Variants in DHDDS observed in about 807,000 individuals in gnomAD.
DHDDS encodes dehydrodolichyl diphosphate synthase subunit, also known as dehydrodolichyl diphosphate synthase complex subunit DHDDS.
DHDDS carries 16 observed loss-of-function variants against 46.2 expected under a neutral mutation model. The observed-to-expected ratio is 0.35, with a 90% confidence interval of 0.23 to 0.53. The LOEUF (loss-of-function observed/expected upper bound fraction) is 0.53. Among genes scored for constraint, DHDDS ranks in the 20% least tolerant of loss-of-function variants. DHDDS has a pLI of 0.94. For missense variants in DHDDS, 340 were observed against 423.7 expected (o/e 0.80, Z 1.73); for synonymous variants, 151 against 163.1 (o/e 0.93, Z 0.56).
At position 26,432,930 on chromosome 1, in the gene DHDDS, T is replaced by C. The variant is rs1251054596; in HGVS notation, c.-16T>C. On this transcript the variant is annotated 5_prime_UTR_variant, in exon 2 of 9. Coordinates refer to ENST00000236342, the MANE Select transcript of DHDDS (RefSeq NM_205861.3). The stretch of plus-strand genomic sequence containing the variant: ...GTTTGCTTGTTCTGGAGTGATCTTC[T>C]GACTGGAAAAGAACTATGTCATGGA... The C allele has an allele frequency of 6.2e-7, 1 of 1,614,158 alleles. No homozygotes were observed. Among genetic ancestry groups the C allele is most frequent in the Non-Finnish European group, 8.5e-7 (1 of 1,179,992 alleles).
At chr1:26,435,033 A>G (rs1010363043) in intron 2 of DHDDS, among the ~76,000 whole-genome samples, 3 of 148,068 alleles carry the variant, frequency 2.0e-5, no homozygotes, top group Admixed American at 2.0e-4. Flanking sequence ...TTTTTCAGAC[A>G]GAGTCTCACT....
At chr1:26,452,164 G>A (rs1034732278) in intron 6 of DHDDS, among the ~76,000 whole-genome samples, 1 of 152,068 alleles carries the variant, frequency 6.6e-6, no homozygotes, top group Non-Finnish European at 1.5e-5. Context: ...TTCCACCTCA[G>A]CTTCCTGAGT....
chr1:26,432,674 A>C (rs2075115963), intron 1 of DHDDS: 1 of 508,696 alleles, frequency 2.0e-6, no homozygotes, highest in Non-Finnish European at 3.6e-6. Flanking sequence ...TGGGAATGGG[A>C]AGAAGTCTGC....
At chr1:26,463,460 AAG>A (rs1316408180) in intron 8 of DHDDS, 1 of 152,244 alleles carries the variant, frequency 6.6e-6, no homozygotes, top group African/African-American at 2.4e-5. Flanking sequence ...AACATTACTT[AAG>A]AGGTTTATTG....
At chr1:26,433,246 T>C in intron 2 of DHDDS, 1 of 576,438 alleles carries the variant, frequency 1.7e-6, no homozygotes, top group Non-Finnish European at 3.1e-6. Context: ...CAGCCTAGAC[T>C]GCTAAGTATT....
At chr1:26,457,738 AAG>A in intron 6 of DHDDS, 51 bp from the exon 7 acceptor site, 1 of 1,386,880 alleles carries the variant, frequency 7.2e-7, no homozygotes. Flanking sequence ...ACACTACAGA[AAG>A]AGAATACTAC....
Position 26,469,213 on chromosome 1 carries a change from T to TCC in DHDDS, c.*83_*84dup. 1.2e-6 allele frequency: 2 copies of TCC among 1,600,676 alleles called. No individual in the cohort carries two copies. The highest frequency in any genetic ancestry group is 3.3e-5 in the Admixed American group (2 of 59,998). On this transcript the variant is annotated 3_prime_UTR_variant, in exon 9 of 9. Coordinates refer to ENST00000236342, the MANE Select transcript of DHDDS (RefSeq NM_205861.3). ...CTTCCTTTTCTTGGTGAAAGGCACC[T>TCC]CCTTTCCTGATAATGAATGGTGTTC... is the stretch of plus-strand genomic sequence containing the variant.
chr1:26,455,764 C>T (rs1028237677), intron 6 of DHDDS, among the ~76,000 whole-genome samples: 10 of 152,070 alleles, frequency 6.6e-5, no homozygotes, highest in Non-Finnish European at 5.9e-5. Flanking sequence ...AGATGAATAA[C>T]TTGCCTAAAG....
At chr1:26,438,141 T>C in intron 2 of DHDDS, 27 bp from the exon 3 acceptor site, 2 of 1,608,404 alleles carry the variant, frequency 1.2e-6, no homozygotes, top group Non-Finnish European at 1.7e-6. Flanking sequence ...ATGAGACCTG[T>C]TCATCATTTG....
intron 8 of DHDDS, 53 bp downstream of exon 8, chr1:26,460,197 G>A (rs2075408685): frequency 7.1e-7 from 1 of 1,409,372 alleles, no homozygotes; most frequent in South Asian, 1.2e-5. Flanking sequence ...GAAAAGATTA[G>A]CATTGATTGA....
chr1:26,443,032 C>A, intron 4 of DHDDS, 159 bp downstream of exon 4: 1 of 1,246,286 alleles, frequency 8.0e-7, no homozygotes, highest in Non-Finnish European at 1.1e-6. Context: ...ACAAGATAGT[C>A]TTTCATTCTT....
At chr1:26,450,371 TCCTGGCCTCAAGTGGTCTTCTTGC>T (rs1254870143) in intron 6 of DHDDS, among the ~76,000 whole-genome samples, 1 of 152,156 alleles carries the variant, frequency 6.6e-6, no homozygotes, top group Non-Finnish European at 1.5e-5. Flanking sequence ...GGTCTTGAAC[TCCTGGCCTCAAGTGGTCTTCTTGC>T]CCTGGCCTCC....
At chr1:26,465,007 C>G (rs1250159633) in intron 8 of DHDDS, among the ~76,000 whole-genome samples, 1 of 152,166 alleles carries the variant, frequency 6.6e-6, no homozygotes, top group Non-Finnish European at 1.5e-5. Flanking sequence ...GTCTTAAAGG[C>G]TGGCAAAGGG....
chr1:26,440,798 TG>T (rs1240577835), intron 3 of DHDDS, among the ~76,000 whole-genome samples: 5 of 152,238 alleles, frequency 3.3e-5, no homozygotes, highest in African/African-American at 1.2e-4. Flanking sequence ...CTGTTCTGTT[TG>T]AATGTCTTCT....
At chr1:26,465,979 A>T (rs533643356) in intron 8 of DHDDS, among the ~76,000 whole-genome samples, 1 of 152,300 alleles carries the variant, frequency 6.6e-6, no homozygotes, top group Admixed American at 6.5e-5. Context: ...GTGCCAACAG[A>T]GTGGTAGAGG....
chr1:26,458,452 C>G (rs1173140729), intron 7 of DHDDS, among the ~76,000 whole-genome samples: 1 of 152,104 alleles, frequency 6.6e-6, no homozygotes, highest in African/African-American at 2.4e-5. Context: ...TAAAAGTGAG[C>G]TAACGCAGGG....
Position 26,470,311 on chromosome 1 carries a change from T to C in DHDDS, c.*1180T>C, listed in dbSNP as rs948240891. Reference sequence around the variant, plus strand: ...TACTCTCTTTAAAGTCCATTTTCCTTCTTCTTTTTTTTTTTTTTTTTGGAG... The same window carrying C: ...TACTCTCTTTAAAGTCCATTTTCCTCCTTCTTTTTTTTTTTTTTTTTGGAG... On this transcript the variant is annotated 3_prime_UTR_variant, in exon 9 of 9. Transcript: ENST00000236342. The C allele has an allele frequency of 3.0e-5, 4 of 133,354 alleles. No homozygotes were observed. The highest frequency in any genetic ancestry group is 4.6e-5 in the Non-Finnish European group (3 of 65,044). 8.3% of individuals were successfully genotyped at this position (133,354 alleles called of 1,614,324 possible). A position where few individuals can be genotyped will look rare whatever the true frequency, so the allele number is the denominator to read the frequency against.
At chr1:26,461,544 C>G (rs1008193779) in intron 8 of DHDDS, among the ~76,000 whole-genome samples, 3 of 152,066 alleles carry the variant, frequency 2.0e-5, no homozygotes, top group African/African-American at 7.2e-5. Context: ...CGCCACCAAT[C>G]CCAACTAATT....
At chr1:26,467,101 C>A (rs774416025) in intron 8 of DHDDS, 6 of 274,282 alleles carry the variant, frequency 2.2e-5, no homozygotes, top group Non-Finnish European at 4.1e-5. Context: ...TCTGTCTGTC[C>A]ATGAAGGTCA....
Sources: gnomAD v4.1 joint callset for allele counts (sites outside exome capture counted in the v4.1 genomes callset) on GRCh38, gnomAD v4.1.1 for gene constraint, MANE v1.5 for transcripts, NCBI Gene and HGNC (gene_info 2026-07-23, HGNC 2026-07-21) for gene names.